MTMR14: variants seen among roughly 807,000 people sequenced by gnomAD.
MTMR14 encodes phosphatidylinositol-3,5-bisphosphate 3-phosphatase MTMR14.
MTMR14 carries 48 observed loss-of-function variants against 86.3 expected under a neutral mutation model. The ratio of observed to expected loss-of-function variants is 0.56; its 90% confidence interval spans 0.44 to 0.71. MTMR14 has a LOEUF of 0.71. Ranked by LOEUF, MTMR14 falls within the 30% of genes least tolerant of loss-of-function variation. MTMR14 has a pLI of 0.00. For synonymous variants in MTMR14, 366 were observed against 326.1 expected, an observed-to-expected ratio of 1.12 and a Z score of -1.32; for missense variants, 780 against 834.6, an observed-to-expected ratio of 0.93 and a Z score of 0.81.
chr3:9,664,892 T>C (rs2048160230), intron 3 of MTMR14, among the ~76,000 whole-genome samples: 1 of 152,134 alleles, frequency 6.6e-6, no homozygotes, highest in African/African-American at 2.4e-5. Flanking sequence ...CATTTAAAAA[T>C]AAGTGTATAA....
intron 17 of MTMR14, among the ~76,000 whole-genome samples, chr3:9,697,001 C>G (rs9850663): frequency 0.032 from 4,924 of 152,188 alleles, 108 homozygotes; most frequent in African/African-American, 0.061. Context: ...AGATTCCCAG[C>G]ACAACCTTCT....
chr3:9,674,379 C>T (rs769837984), intron 7 of MTMR14, among the ~76,000 whole-genome samples: 8 of 152,164 alleles, frequency 5.3e-5, no homozygotes, highest in Non-Finnish European at 8.8e-5. Flanking sequence ...GTGTTGAGGA[C>T]GTTCATCATG....
chr3:9,687,699 C>A, intron 13 of MTMR14, 122 bp from the exon 14 acceptor site: 1 of 775,578 alleles, frequency 1.3e-6, no homozygotes, highest in Non-Finnish European at 2.2e-6. Context: ...AGAACACCCA[C>A]ACAGTCCCAC....
chr3:9,692,372 C>T (rs146854957), intron 17 of MTMR14, among the ~76,000 whole-genome samples: 20 of 152,188 alleles, frequency 1.3e-4, no homozygotes, highest in African/African-American at 4.3e-4. Flanking sequence ...TTACTAACCC[C>T]GAGCCCACAG....
rs115147713 is a variant in MTMR14, at chr3:9,692,924, C to T, written c.1613+2781C>T. Among the ~76,000 whole-genome samples, 845 of 152,254 alleles carry T rather than the reference C, an allele frequency of 5.5e-3. 5 individuals are homozygous for T. The highest frequency in any genetic ancestry group is 0.019 in the African/African-American group (783 of 41,532). ...AGGTGACAGCCAGGTCCCCTCAGAG[C>T]CCAGGATTCTATATCTTAGCTCAAG... On this transcript the variant is annotated intron_variant, in intron 17 of 18. Coordinates refer to ENST00000296003, the MANE Select transcript of MTMR14 (RefSeq NM_001077525.3).
At chr3:9,699,241 T>C (rs2076380036) in intron 18 of MTMR14, among the ~76,000 whole-genome samples, 1 of 151,168 alleles carries the variant, frequency 6.6e-6, no homozygotes, top group Non-Finnish European at 1.5e-5. Context: ...CCAAGAGCCA[T>C]CTCTGAAGGA....
chr3:9,649,864 A>G (rs62245609), intron 1 of MTMR14, 122 bp downstream of exon 1: 82,429 of 1,545,010 alleles, frequency 0.053, 2,579 homozygotes, highest in Non-Finnish European at 0.063. Flanking sequence ...AAGAGGAGAG[A>G]GAGAGAGGAG....
At chr3:9,666,851 C>A (rs1321307033) in intron 3 of MTMR14, among the ~76,000 whole-genome samples, 1 of 151,576 alleles carries the variant, frequency 6.6e-6, no homozygotes, top group East Asian at 1.9e-4. Context: ...CAGTCAGGAG[C>A]CAGCTTAAAG....
intron 17 of MTMR14, among the ~76,000 whole-genome samples, chr3:9,691,203 CTT>C (rs1289342554): frequency 1.3e-5 from 2 of 152,218 alleles, no homozygotes; most frequent in Admixed American, 6.5e-5. Flanking sequence ...TGCGTGAACT[CTT>C]CAGCTCAGAA....
chr3:9,696,883 G>A (rs2076296616), intron 17 of MTMR14, among the ~76,000 whole-genome samples: 1 of 152,204 alleles, frequency 6.6e-6, no homozygotes, highest in South Asian at 2.1e-4. Flanking sequence ...GCAGGTGGAA[G>A]GGCCTTGTTT....
At chr3:9,694,188 A>G (rs1209850922) in intron 17 of MTMR14, among the ~76,000 whole-genome samples, 3 of 152,192 alleles carry the variant, frequency 2.0e-5, no homozygotes, top group African/African-American at 7.2e-5. Flanking sequence ...AGATGAGTAT[A>G]TTATCAGCAA....
chr3:9,664,336 CAT>C (rs1205482357), intron 3 of MTMR14, among the ~76,000 whole-genome samples: 1 of 151,318 alleles, frequency 6.6e-6, no homozygotes, highest in Non-Finnish European at 1.5e-5. Flanking sequence ...TTAGGTCAGA[CAT>C]GTGGCTCACG....
intron 2 of MTMR14, among the ~76,000 whole-genome samples, chr3:9,657,739 C>T (rs923010631): frequency 6.6e-5 from 10 of 152,070 alleles, no homozygotes; most frequent in Non-Finnish European, 1.3e-4. Flanking sequence ...TTAGTAAAGA[C>T]GGGGTTTCAA....
chr3:9,691,616 G>A (rs943829894), intron 17 of MTMR14, among the ~76,000 whole-genome samples: 1 of 152,094 alleles, frequency 6.6e-6, no homozygotes, highest in African/African-American at 2.4e-5. Context: ...CCCATCACCC[G>A]TTACCACACC....
chr3:9,688,768 C>A lies in MTMR14; in HGVS notation c.1294+14C>A, dbSNP rs748986636. ...TCTGCATGCTGAGTGAGTCCTGGGCCCCAACAGACTTCCCTTCCTCCATAC... is the reference window on the plus strand; with the variant it reads ...TCTGCATGCTGAGTGAGTCCTGGGCACCAACAGACTTCCCTTCCTCCATAC... On this transcript the variant is annotated intron_variant, in intron 15 of 18. Coordinates refer to ENST00000296003, the MANE Select transcript of MTMR14 (RefSeq NM_001077525.3). The A allele has an allele frequency of 6.2e-7, 1 of 1,614,074 alleles. No homozygotes were observed. Among genetic ancestry groups the A allele is most frequent in the Non-Finnish European group, 8.5e-7 (1 of 1,180,006 alleles).
At position 9,649,682 on chromosome 3, in the gene MTMR14, G is replaced by T. The variant is rs758683319; in HGVS notation, c.99G>T (p.Leu33=). Residue 33 remains leucine, a synonymous_variant, in exon 1 of 19, where the codon CTG becomes CTT. Transcript: ENST00000296003. ...AGGAGCTGGGGCTTGGGGAGCTGCT[G>T]GAGGAGTTCTCCCGGACTCAGTACC... ...PPQELGLGEL[L]EEFSRTQYRA... is the part of the protein sequence containing the mutation. 6.2e-7 allele frequency: 1 copy of T among 1,609,732 alleles called. No homozygotes were observed. Among genetic ancestry groups the T allele is most frequent in the Admixed American group, 1.7e-5 (1 of 59,388 alleles).
At chr3:9,696,716 G>C (rs2076291364) in intron 17 of MTMR14, among the ~76,000 whole-genome samples, 1 of 152,176 alleles carries the variant, frequency 6.6e-6, no homozygotes, top group Admixed American at 6.5e-5. Context: ...TCAGCCAGCT[G>C]GGGGAGCCAA....
intron 9 of MTMR14, among the ~76,000 whole-genome samples, chr3:9,678,478 T>C (rs1000944810): frequency 7.9e-5 from 12 of 152,350 alleles, no homozygotes; most frequent in Admixed American, 7.8e-4. Context: ...TTCTCCGTCA[T>C]TGCACACCAT....
At chr3:9,657,153 C>T (rs1240052147) in intron 2 of MTMR14, among the ~76,000 whole-genome samples, 1 of 151,946 alleles carries the variant, frequency 6.6e-6, no homozygotes, top group African/African-American at 2.4e-5. Context: ...AACAGATTTC[C>T]TCACCTCGGC....
Sources: gnomAD v4.1 joint callset for allele counts (sites outside exome capture counted in the v4.1 genomes callset) on GRCh38, gnomAD v4.1.1 for gene constraint, MANE v1.5 for transcripts, NCBI Gene and HGNC (gene_info 2026-07-23, HGNC 2026-07-21) for gene names.